CIRSR: variants seen among roughly 807,000 people sequenced by gnomAD.
The protein encoded by CIRSR is CBF1 (RBPJ) interacting corepressor 1.
chr2:174,366,825 G>A, the CIRSR span, among the ~76,000 whole-genome samples: 1 of 152,286 alleles, frequency 6.6e-6, no homozygotes, highest in South Asian at 2.1e-4. Context: ...TCTGTTATGA[G>A]ATACTTGTAC....
At chr2:174,359,812 A>T in the CIRSR span, among the ~76,000 whole-genome samples, 4 of 152,236 alleles carry the variant, frequency 2.6e-5, no homozygotes. Flanking sequence ...AACCAAAGCA[A>T]ATGTCCATCA....
the CIRSR span, among the ~76,000 whole-genome samples, chr2:174,386,884 A>G: frequency 6.6e-6 from 1 of 152,178 alleles, no homozygotes; most frequent in African/African-American, 2.4e-5. Context: ...GCCTTCAACT[A>G]TATGTATTTG....
the CIRSR span, among the ~76,000 whole-genome samples, chr2:174,366,553 TCC>T: frequency 1.3e-5 from 2 of 152,042 alleles, no homozygotes; most frequent in Non-Finnish European, 2.9e-5. Context: ...TAAAAGAAGC[TCC>T]TTAGTGAGAA....
At chr2:174,384,409 C>T in the CIRSR span, among the ~76,000 whole-genome samples, 1 of 152,084 alleles carries the variant, frequency 6.6e-6, no homozygotes, top group East Asian at 1.9e-4. Context: ...TTAATGGTTA[C>T]AAAGTTTCTG....
chr2:174,386,001 A>G, the CIRSR span, among the ~76,000 whole-genome samples: 1 of 152,222 alleles, frequency 6.6e-6, no homozygotes, highest in Non-Finnish European at 1.5e-5. Flanking sequence ...AATATTAATT[A>G]AAAGGGAAAA....
chr2:174,348,887 T>G, the CIRSR span: 1 of 1,614,234 alleles, frequency 6.2e-7, no homozygotes. Flanking sequence ...TGCTAGAAAG[T>G]TCTTCATGAA....
At chr2:174,372,178 C>T in the CIRSR span, among the ~76,000 whole-genome samples, 4 of 152,100 alleles carry the variant, frequency 2.6e-5, no homozygotes, top group East Asian at 5.8e-4. Context: ...TTGAGCAATT[C>T]AATTTTAAAT....
the CIRSR span, chr2:174,348,933 T>C: frequency 1.9e-6 from 3 of 1,614,054 alleles, no homozygotes; most frequent in East Asian, 2.2e-5. Flanking sequence ...CTCTTCAGAA[T>C]CACTGTTGTT....
the CIRSR span, chr2:174,380,134 GACA>G: frequency 5.4e-6 from 6 of 1,113,846 alleles, no homozygotes; most frequent in Non-Finnish European, 7.7e-6. Context: ...ACACCTTTTA[GACA>G]ACAATATAAA....
chr2:174,354,667 ATAT>A, the CIRSR span, among the ~76,000 whole-genome samples: 1 of 94,120 alleles, frequency 1.1e-5, no homozygotes, highest in Non-Finnish European at 2.0e-5. Context: ...TATATAATAT[ATAT>A]TATATATTTT....
the CIRSR span, among the ~76,000 whole-genome samples, chr2:174,357,052 TAC>T: frequency 5.3e-5 from 8 of 152,236 alleles, no homozygotes; most frequent in African/African-American, 1.9e-4. Flanking sequence ...AGTATCTTTT[TAC>T]AGTTGGTTTG....
At chr2:174,363,824 C>T in the CIRSR span, among the ~76,000 whole-genome samples, 3 of 152,180 alleles carry the variant, frequency 2.0e-5, no homozygotes, top group Non-Finnish European at 2.9e-5. Context: ...TCAATTACCT[C>T]CCACTGGGTC....
the CIRSR span, among the ~76,000 whole-genome samples, chr2:174,374,297 T>C: frequency 1.3e-5 from 2 of 152,220 alleles, no homozygotes; most frequent in African/African-American, 2.4e-5. Context: ...ACCTCCTCTA[T>C]TAGCTACATA....
the CIRSR span, among the ~76,000 whole-genome samples, chr2:174,364,979 T>C: frequency 1.3e-5 from 2 of 152,232 alleles, no homozygotes; most frequent in African/African-American, 2.4e-5. Flanking sequence ...CTTGAATTTC[T>C]CCTCAGAAAT....
chr2:174,358,978 G>C, the CIRSR span, among the ~76,000 whole-genome samples: 2 of 152,236 alleles, frequency 1.3e-5, no homozygotes, highest in Non-Finnish European at 2.9e-5. Flanking sequence ...ACAGGCGTGG[G>C]CCACTGTGCC....
chr2:174,385,463 T>C, the CIRSR span, among the ~76,000 whole-genome samples: 18 of 152,116 alleles, frequency 1.2e-4, no homozygotes, highest in South Asian at 4.1e-4. Flanking sequence ...GAAGTAATAA[T>C]ATCTTAGTAG....
At chr2:174,373,856 T>TTTC in the CIRSR span, among the ~76,000 whole-genome samples, 149,379 of 151,856 alleles carry the variant, frequency 0.98, 73,533 homozygotes, top group Middle Eastern at 1. Context: ...GTTTTGCCTG[T>TTTC]TTCTCACAAG....
chr2:174,365,283 A>G, the CIRSR span, among the ~76,000 whole-genome samples: 1 of 152,074 alleles, frequency 6.6e-6, no homozygotes, highest in Non-Finnish European at 1.5e-5. Flanking sequence ...CCTGGACCTT[A>G]TTGTTCATAT....
chr2:174,374,724 G>A, the CIRSR span, among the ~76,000 whole-genome samples: 2 of 152,160 alleles, frequency 1.3e-5, no homozygotes, highest in African/African-American at 2.4e-5. Context: ...GTGCTTAACC[G>A]CTAAGTACAT....
Sources: gnomAD v4.1 joint callset for allele counts (sites outside exome capture counted in the v4.1 genomes callset) on GRCh38, gnomAD v4.1.1 for gene constraint, MANE v1.5 for transcripts, NCBI Gene and HGNC (gene_info 2026-07-23, HGNC 2026-07-21) for gene names.